CCDC30: variants seen among roughly 807,000 people sequenced by gnomAD.
CCDC30 encodes coiled-coil domain containing 30.
CCDC30 carries 70 observed loss-of-function variants against 100.2 expected under a neutral mutation model. The ratio of observed to expected loss-of-function variants is 0.70; its 90% CI spans 0.58 to 0.85. CCDC30 has a LOEUF of 0.85. CCDC30 is among the 40% of genes least tolerant of loss of function. CCDC30 has a pLI of 0.00. For missense variants in CCDC30, 652 were observed against 771.2 expected, an observed-to-expected ratio of 0.85 and a Z score of 1.83; for synonymous variants, 233 against 269.5, an observed-to-expected ratio of 0.86 and a Z score of 1.33.
downstream of CCDC30, among the ~76,000 whole-genome samples, chr1:42,656,384 A>C (rs1194541138): frequency 6.6e-6 from 1 of 152,196 alleles, no homozygotes; most frequent in Admixed American, 6.5e-5. Flanking sequence ...TAATCCCAGC[A>C]TTTTGGGAGG....
At chr1:42,522,988 C>G (rs1172851688) in intron 6 of CCDC30, among the ~76,000 whole-genome samples, 1 of 152,026 alleles carries the variant, frequency 6.6e-6, no homozygotes, top group Non-Finnish European at 1.5e-5. Context: ...CACCACTACA[C>G]CTGGCTAATT....
intron 6 of CCDC30, among the ~76,000 whole-genome samples, chr1:42,507,546 ACTTT>A (rs1462475807): frequency 6.6e-6 from 1 of 152,180 alleles, no homozygotes; most frequent in Non-Finnish European, 1.5e-5. Context: ...ACATTTCCAT[ACTTT>A]CTTATAATCT....
At chr1:42,560,477 C>T (rs1464407349) in intron 6 of CCDC30, among the ~76,000 whole-genome samples, 1 of 152,036 alleles carries the variant, frequency 6.6e-6, no homozygotes, top group Non-Finnish European at 1.5e-5. Flanking sequence ...TCAAGTGATT[C>T]TCCTACCTCA....
chr1:42,640,830 G>T (rs1647327849), intron 12 of CCDC30, among the ~76,000 whole-genome samples: 1 of 151,976 alleles, frequency 6.6e-6, no homozygotes, highest in Admixed American at 6.6e-5. Flanking sequence ...GCGGGCAGAG[G>T]TTGCAGTGAG....
chr1:42,491,229 T>C (rs1644135786), intron 4 of CCDC30, among the ~76,000 whole-genome samples: 2 of 152,168 alleles, frequency 1.3e-5, no homozygotes, highest in African/African-American at 2.4e-5. Context: ...CATGACCTAA[T>C]TGATATTTAT....
chr1:42,471,221 G>C (rs1176883568), intron 1 of CCDC30, among the ~76,000 whole-genome samples: 1 of 152,096 alleles, frequency 6.6e-6, no homozygotes, highest in African/African-American at 2.4e-5. Flanking sequence ...GATCAGCAAG[G>C]ATCAGATCCA....
chr1:42,591,594 A>T (rs1646187834), intron 10 of CCDC30: 1 of 152,350 alleles, frequency 6.6e-6, no homozygotes, highest in Admixed American at 6.5e-5. Context: ...GAACCCTGCC[A>T]CAGGGGCAGA....
intron 8 of CCDC30, among the ~76,000 whole-genome samples, chr1:42,579,381 C>T (rs1002530413): frequency 2.0e-5 from 3 of 152,034 alleles, no homozygotes; most frequent in Admixed American, 6.5e-5. Flanking sequence ...CACCTGTAAT[C>T]CCAGCACTTT....
At chr1:42,500,055 G>A (rs1295898412) in intron 6 of CCDC30, 14 of 776,230 alleles carry the variant, frequency 1.8e-5, no homozygotes, top group Non-Finnish European at 2.9e-5. Context: ...AGCCTTCGTT[G>A]TCAGTAGTTC....
At chr1:42,569,961 C>T (rs193092363) in intron 7 of CCDC30, among the ~76,000 whole-genome samples, 53 of 152,166 alleles carry the variant, frequency 3.5e-4, no homozygotes, top group Middle Eastern at 3.4e-3. Context: ...GAACATTACA[C>T]ACCAGGGCCT....
At chr1:42,577,516 A>G (rs909090349) in intron 8 of CCDC30, among the ~76,000 whole-genome samples, 26 of 152,324 alleles carry the variant, frequency 1.7e-4, no homozygotes, top group African/African-American at 6.0e-4. Context: ...ATATTTTCAC[A>G]TTTGAGAAGG....
Position 42,497,133 on chromosome 1 carries a change from CA to C in CCDC30, c.278del (p.Gln93ArgfsTer10). ...CCTACAGAAAGCAAAGGAACAAAAT[CA>C]GAGACTGGATGAGGAAATTCTGGCT... On this transcript the variant is annotated frameshift_variant, in exon 5 of 17. Transcript: ENST00000668663. LOFTEE classifies it high-confidence loss of function. The C allele has an allele frequency of 8.1e-7, 1 of 1,234,194 alleles. No individual in the cohort carries two copies. Among genetic ancestry groups the C allele is most frequent in the Non-Finnish European group, 1.0e-6 (1 of 988,054 alleles). 76.5% of individuals were successfully genotyped at this position (1,234,194 alleles called of 1,614,324 possible). A position where few individuals can be genotyped will look rare whatever the true frequency, so the allele number is the denominator to read the frequency against.
chr1:42,457,429 C>A, the CCDC30 span: 1 of 1,228,620 alleles, frequency 8.1e-7, no homozygotes, highest in Non-Finnish European at 1.2e-6. Context: ...TGGAGATGGC[C>A]TTTCTGCATC....
At chr1:42,627,589 G>C (rs562891807) in intron 11 of CCDC30, among the ~76,000 whole-genome samples, 21 of 152,302 alleles carry the variant, frequency 1.4e-4, no homozygotes, top group Middle Eastern at 3.4e-3. Flanking sequence ...AAGTGGTTTT[G>C]TGAGCCGGTC....
intron 7 of CCDC30, among the ~76,000 whole-genome samples, chr1:42,568,775 C>CA (rs113277866): frequency 0.036 from 4,204 of 116,938 alleles, 198 homozygotes; most frequent in African/African-American, 0.12. Flanking sequence ...ACTAAAAGTC[C>CA]AAAAAAAAAA....
intron 10 of CCDC30, among the ~76,000 whole-genome samples, chr1:42,597,985 C>T (rs544247809): frequency 6.6e-6 from 1 of 150,746 alleles, no homozygotes; most frequent in East Asian, 2.0e-4. Context: ...TAGTGAGACT[C>T]CAGTCTCTAC....
At position 42,589,316 on chromosome 1, in the gene CCDC30, C is replaced by T. The variant is rs776349162; in HGVS notation, c.1002-5C>T. On this transcript the variant is annotated splice_polypyrimidine_tract_variant and splice_region_variant and intron_variant, in intron 9 of 16. Coordinates refer to ENST00000668663, the Ensembl canonical transcript of CCDC30. ...TGTGATTTAATCTACATTAATTGCCCTCAGGAAACTTCTATATCAGAACGT... is the reference window on the plus strand; with the variant it reads ...TGTGATTTAATCTACATTAATTGCCTTCAGGAAACTTCTATATCAGAACGT... 2 of 1,579,190 alleles carry T rather than the reference C, an allele frequency of 1.3e-6. No individual in the cohort carries two copies. Among genetic ancestry groups the T allele is most frequent in the Non-Finnish European group, 1.7e-6 (2 of 1,164,744 alleles).
upstream of CCDC30, among the ~76,000 whole-genome samples, chr1:42,461,100 G>A (rs1218838595): frequency 6.6e-6 from 1 of 152,232 alleles, no homozygotes; most frequent in East Asian, 1.9e-4. Flanking sequence ...GACTAAGGTA[G>A]AAGCAGGTAC....
At chr1:42,610,414 G>GT (rs1303212041) in intron 10 of CCDC30, among the ~76,000 whole-genome samples, 13 of 148,680 alleles carry the variant, frequency 8.7e-5, no homozygotes, top group African/African-American at 5.0e-5. Flanking sequence ...GAGATTTTTT[G>GT]TTTTTTTGTT....
Sources: gnomAD v4.1 joint callset for allele counts (sites outside exome capture counted in the v4.1 genomes callset) on GRCh38, gnomAD v4.1.1 for gene constraint, MANE v1.5 for transcripts, NCBI Gene and HGNC (gene_info 2026-07-23, HGNC 2026-07-21) for gene names.